The following PIEZO2 variants were observed in gnomAD, a reference collection of about 807,000 sequenced individuals.
PIEZO2 encodes piezo type mechanosensitive ion channel component 2, also known as piezo-type mechanosensitive ion channel component 2.
A neutral mutation model predicts 337.3 loss-of-function variants in PIEZO2; 172 were observed. That is an observed-to-expected ratio of 0.51 (90% CI 0.45 to 0.58). The LOEUF is 0.58. PIEZO2 is among the 20% of genes least tolerant of loss of function. The pLI, the probability that PIEZO2 is intolerant of heterozygous loss-of-function variation, is 0.00. For missense variants in PIEZO2, 3,028 were observed against 3,391.3 expected (o/e 0.89, Z 2.66); for synonymous variants, 1,251 against 1,228.5 (o/e 1.02, Z -0.38).
rs1339112027 is a variant in PIEZO2 at position 10,671,126 on chromosome 18, G to A, written c.*401C>T. 1.3e-5 allele frequency: 2 copies of A among 158,870 alleles called. No individual in the cohort carries two copies. The highest frequency in any genetic ancestry group is 2.8e-5 in the Non-Finnish European group (2 of 72,284). The allele number at this position is 158,870 out of a possible 1,614,324, so 9.8% of individuals were successfully genotyped here. A position where few individuals can be genotyped will look rare whatever the true frequency, so the allele number is the denominator to read the frequency against. On this transcript the variant is annotated 3_prime_UTR_variant, in exon 56 of 56. Coordinates refer to ENST00000674853, the MANE Select transcript of PIEZO2 (RefSeq NM_001378183.1). ...CACAGCAGCTTCCCCAGTGGGGATG[G>A]AGCGCTGTATATTGCATTGTAGCAT...
At chr18:10,805,647 GA>G (rs2144315123) in intron 8 of PIEZO2, among the ~76,000 whole-genome samples, 1 of 152,316 alleles carries the variant, frequency 6.6e-6, no homozygotes, top group Non-Finnish European at 1.5e-5. Context: ...TCAAATTTTA[GA>G]AGAGAACTGA....
chr18:10,757,465 A>C (rs139953038), intron 27 of PIEZO2, among the ~76,000 whole-genome samples: 8 of 34,376 alleles, frequency 2.3e-4, no homozygotes, highest in Non-Finnish European at 2.2e-4. Flanking sequence ...AGAATGAGCT[A>C]TGGGGATGAA....
chr18:11,051,787 A>T (rs914986685), intron 2 of PIEZO2, among the ~76,000 whole-genome samples: 1 of 152,368 alleles, frequency 6.6e-6, no homozygotes, highest in East Asian at 1.9e-4. Context: ...GTTGAAACCA[A>T]CTGAAAAGGG....
At position 11,025,000 on chromosome 18, in the gene PIEZO2, G is replaced by A. The variant is rs182730312; in HGVS notation, c.160+41127C>T. Among the ~76,000 whole-genome samples, 15 of 151,364 alleles carry A rather than the reference G, an allele frequency of 9.9e-5. 1 individual carries two copies. The highest frequency in any genetic ancestry group is 3.4e-3 in the Middle Eastern group (1 of 292). ...GTGATTTTGGCCTCCCAAGTTGAAT[G>A]TAGTACATAGCCTGCATGAGATGGA... is the stretch of plus-strand genomic sequence containing the variant. On this transcript the variant is annotated intron_variant, in intron 2 of 55. Transcript: ENST00000674853.
intron 2 of PIEZO2, among the ~76,000 whole-genome samples, chr18:11,000,621 A>G (rs2145604330): frequency 6.6e-6 from 1 of 152,252 alleles, no homozygotes; most frequent in Middle Eastern, 3.4e-3. Context: ...AGTCCCCTGC[A>G]CCCCTGAACC....
intron 7 of PIEZO2, among the ~76,000 whole-genome samples, chr18:10,829,616 A>C (rs1384461451): frequency 1.3e-5 from 2 of 152,170 alleles, no homozygotes; most frequent in African/African-American, 2.4e-5. Context: ...AGAATATAAA[A>C]ATCAACATAC....
At position 10,773,869 on chromosome 18, in the gene PIEZO2, A is replaced by G. The variant is rs2038693222; in HGVS notation, c.2567+137T>C. 1.6e-6 allele frequency: 1 copy of G among 625,054 alleles called. No homozygotes were observed. Among genetic ancestry groups the G allele is most frequent in the African/African-American group, 1.8e-5 (1 of 54,398 alleles). The allele number at this position is 625,054 out of a possible 1,614,324, so 38.7% of individuals were successfully genotyped here. A position where few individuals can be genotyped will look rare whatever the true frequency, so the allele number is the denominator to read the frequency against. On this transcript the variant is annotated intron_variant, in intron 19 of 55. Transcript: ENST00000674853. The surrounding 1 kb of genome is among the most constrained non-coding windows in gnomAD (Gnocchi z 5.3). Reference sequence around the variant, plus strand: ...AGCTTTTTTAATTCGGGTTCTAGTGATTAGTTGGTAATGAGAGCTATCAAC... The same window carrying G: ...AGCTTTTTTAATTCGGGTTCTAGTGGTTAGTTGGTAATGAGAGCTATCAAC...
At chr18:10,772,869 T>A (rs1190341132) in intron 20 of PIEZO2, among the ~76,000 whole-genome samples, 1 of 152,242 alleles carries the variant, frequency 6.6e-6, no homozygotes, top group African/African-American at 2.4e-5. Flanking sequence ...TTGAAACTCC[T>A]GTAACAACAA....
intron 8 of PIEZO2, 46 bp from the exon 9 acceptor site, chr18:10,804,040 C>G (rs898272810): frequency 5.9e-6 from 9 of 1,528,566 alleles, no homozygotes; most frequent in Non-Finnish European, 7.0e-6. Flanking sequence ...AGGCAGTTCC[C>G]TAGACAGCCT....
At chr18:10,765,108 C>T (rs542569267) in intron 21 of PIEZO2, among the ~76,000 whole-genome samples, 22 of 152,214 alleles carry the variant, frequency 1.4e-4, no homozygotes, top group African/African-American at 5.3e-4. Context: ...GGTGACACAT[C>T]CCCTGAGGAT....
At chr18:10,810,502 C>T (rs936636878) in intron 7 of PIEZO2, among the ~76,000 whole-genome samples, 3 of 152,192 alleles carry the variant, frequency 2.0e-5, no homozygotes, top group African/African-American at 4.8e-5. Context: ...CTCTACGCCA[C>T]CCTCCTCATC....
intron 3 of PIEZO2, among the ~76,000 whole-genome samples, chr18:10,912,652 C>T (rs1363380515): frequency 6.6e-6 from 1 of 152,254 alleles, no homozygotes; most frequent in South Asian, 2.1e-4. Flanking sequence ...GCTTCATCTT[C>T]GGATGGCCAC....
Position 10,847,374 on chromosome 18 carries a change from C to T in PIEZO2, c.917+7979G>A, listed in dbSNP as rs1433756118. 6.6e-6 allele frequency among the ~76,000 whole-genome samples: 1 copy of T among 152,206 alleles called. No homozygotes were observed. Among genetic ancestry groups the T allele is most frequent in the Non-Finnish European group, 1.5e-5 (1 of 68,046 alleles). The stretch of plus-strand genomic sequence containing the variant: ...AACTGAAAGGAAGACCGTGGAGATG[C>T]CCTTGGTGGGCAAAAGGAGAGAAAT... On this transcript the variant is annotated intron_variant, in intron 7 of 55. Transcript: ENST00000674853. This position sits in a 1 kb window ranked among gnomAD's most constrained non-coding sequence, Gnocchi z 5.7.
chr18:10,695,961 G>T, intron 47 of PIEZO2, 113 bp downstream of exon 47: 1 of 1,045,158 alleles, frequency 9.6e-7, no homozygotes, highest in Non-Finnish European at 1.5e-6. Flanking sequence ...GTGCTGCTGT[G>T]CCAAGGCTCT....
chr18:11,089,882 TAA>T (rs376581525), intron 1 of PIEZO2, among the ~76,000 whole-genome samples: 11 of 152,320 alleles, frequency 7.2e-5, no homozygotes, highest in Middle Eastern at 3.4e-3. Context: ...TAGCCTCTGA[TAA>T]AAGTCCAGGC....
Position 10,877,831 on chromosome 18 carries a change from G to T in PIEZO2, c.330-6416C>A, listed in dbSNP as rs1196444495. Among the ~76,000 whole-genome samples, 2 of 152,142 alleles carry T rather than the reference G, an allele frequency of 1.3e-5. No individual in the cohort carries two copies. The highest frequency in any genetic ancestry group is 3.4e-3 in the Middle Eastern group (1 of 294). On this transcript the variant is annotated intron_variant, in intron 4 of 55. Transcript: ENST00000674853. This position sits in a 1 kb window ranked among gnomAD's most constrained non-coding sequence, Gnocchi z 5.3. ...ATCCACATTCCTAAGCGTGACAAGG[G>T]GCCCTCCACATCCCAGATCTGGTTT...
intron 2 of PIEZO2, among the ~76,000 whole-genome samples, chr18:11,037,311 T>A (rs1033329482): frequency 2.0e-5 from 3 of 152,192 alleles, no homozygotes; most frequent in Non-Finnish European, 4.4e-5. Flanking sequence ...ACTTAAAAGA[T>A]GTATCCTAGA....
chr18:10,909,038 GTC>G (rs2030218423), intron 4 of PIEZO2, among the ~76,000 whole-genome samples: 1 of 152,284 alleles, frequency 6.6e-6, no homozygotes, highest in South Asian at 2.1e-4. Context: ...TACATCCACT[GTC>G]TATGGCTGCT....
Position 10,857,146 on chromosome 18 carries a change from A to G in PIEZO2, c.558T>C (p.Asp186=). The G allele has an allele frequency of 1.3e-6, 2 of 1,537,830 alleles. No homozygotes were observed. The highest frequency in any genetic ancestry group is 1.2e-5 in the South Asian group (1 of 84,058). ...TTTCTTCCAACTCGCCTTCAACACC[A>G]TCTCCTCCATTGAAATCCTCTTCAT... ...LIYEEDFNGG[D]GVEGELEEST... is the part of the protein sequence containing the mutation. The change falls in exon 6 of 56, where the codon GAT becomes GAC. Residue 186 remains aspartate, a synonymous_variant. Coordinates refer to ENST00000674853, the MANE Select transcript of PIEZO2 (RefSeq NM_001378183.1).
Sources: gnomAD v4.1 joint callset for allele counts (sites outside exome capture counted in the v4.1 genomes callset) on GRCh38, gnomAD v4.1.1 for gene constraint, Gnocchi (gnomAD v3.1) non-coding constraint, MANE v1.5 for transcripts, NCBI Gene and HGNC (gene_info 2026-07-23, HGNC 2026-07-21) for gene names.